The following SPTBN5 variants were observed in gnomAD, a reference collection of about 807,000 sequenced individuals.
SPTBN5 encodes spectrin beta chain, non-erythrocytic 5.
SPTBN5 carries 513 observed loss-of-function variants against 477.6 expected under a neutral mutation model. That is an observed-to-expected ratio of 1.07 (90% CI 1.00 to 1.16). The LOEUF is 1.16. Ranked by LOEUF, SPTBN5 falls within the 50% of genes most tolerant of loss-of-function variation. The pLI, the probability that SPTBN5 is intolerant of heterozygous loss-of-function variation, is 0.00. For missense variants in SPTBN5, 5,062 were observed against 4,731.8 expected (o/e 1.07, Z -2.05); for synonymous variants, 2,169 against 2,011.7 (o/e 1.08, Z -2.09).
intron 56 of SPTBN5, 21 bp downstream of exon 56, chr15:41,854,761 G>T (rs978027262): frequency 7.5e-5 from 111 of 1,483,538 alleles, no homozygotes; most frequent in Non-Finnish European, 9.8e-5. Context: ...CCTTAGCTTG[G>T]CCCGGCCTGT....
intron 47 of SPTBN5, among the ~76,000 whole-genome samples, chr15:41,859,958 C>G (rs1325000254): frequency 6.6e-6 from 1 of 152,200 alleles, no homozygotes; most frequent in East Asian, 1.9e-4. Context: ...TTGACCGTAT[C>G]TGCCTTGATC....
In SPTBN5 at chr15:41,866,019, C is replaced by T. The variant is rs1434080411; in HGVS notation, c.6822+19G>A. ...GCTCCTCCCCCCATCTCTCAGCCCC[C>T]ACCCAGCTGGGGCTACACCTTCTCC... On this transcript the variant is annotated intron_variant, in intron 38 of 67. Coordinates refer to ENST00000320955, the MANE Select transcript of SPTBN5 (RefSeq NM_016642.4). 6.5e-7 allele frequency: 1 copy of T among 1,550,250 alleles called. No individual in the cohort carries two copies. Among genetic ancestry groups the T allele is most frequent in the East Asian group, 2.4e-5 (1 of 40,962 alleles).
At position 41,868,232 on chromosome 15, in the gene SPTBN5, CAT is replaced by C. The variant is rs775422069; in HGVS notation, c.6058-16_6058-15del. 43 of 1,579,940 alleles carry C rather than the reference CAT, an allele frequency of 2.7e-5. No homozygotes were observed. In the Admixed American group the frequency reaches 6.2e-4, roughly 23 times the overall value. ...CTCTTCCTGGACCTGGGGATGGACA[CAT>C]GAGGAGCCTCAGCTGGGGAGGGTGG... On this transcript the variant is annotated splice_polypyrimidine_tract_variant and intron_variant, in intron 33 of 67. Transcript: ENST00000320955.
Position 41,876,795 on chromosome 15 carries a change from G to A in SPTBN5, c.3851+14C>T. On this transcript the variant is annotated intron_variant, in intron 19 of 67. Transcript: ENST00000320955. ...GGGTCATCTGCAGGTGCTGCAGACT[G>A]AGGCCAGGCTCACGTGTGTGCAGCT... 1.2e-6 allele frequency: 2 copies of A among 1,609,714 alleles called. No homozygotes were observed. The highest frequency in any genetic ancestry group is 1.7e-6 in the Non-Finnish European group (2 of 1,179,724).
At chr15:41,880,002 A>T in intron 14 of SPTBN5, 138 bp from the exon 15 acceptor site, 1 of 1,428,308 alleles carries the variant, frequency 7.0e-7, no homozygotes, top group South Asian at 1.4e-5. Context: ...CAGCCATCCG[A>T]GTCCTTAAGG....
rs145151438 is a variant in SPTBN5, at chr15:41,860,155, G to A, written c.7988+431C>T. 3.2e-3 allele frequency among the ~76,000 whole-genome samples: 495 copies of A among 152,314 alleles called. 2 individuals carry two copies. Among genetic ancestry groups the A allele is most frequent in the Non-Finnish European group, 4.8e-3 (329 of 68,034 alleles). Reference sequence around the variant, plus strand: ...GCACAGTGCTTTCGTCCTCATCACAGCCGTTAAAGCCCAGGATGTGAGGCT... The same window carrying A: ...GCACAGTGCTTTCGTCCTCATCACAACCGTTAAAGCCCAGGATGTGAGGCT... On this transcript the variant is annotated intron_variant, in intron 47 of 67. Coordinates refer to ENST00000320955, the MANE Select transcript of SPTBN5 (RefSeq NM_016642.4).
At chr15:41,851,589 G>GT (rs2065766228) in intron 63 of SPTBN5, among the ~76,000 whole-genome samples, 190 bp downstream of exon 63, 2 of 149,358 alleles carry the variant, frequency 1.3e-5, no homozygotes, top group Middle Eastern at 6.8e-3. Context: ...CCTGGTGGGG[G>GT]TGGGTAGGTG....
rs756565560 is a variant in SPTBN5 at position 41,866,960 on chromosome 15, T to C, written c.6479A>G (p.Gln2160Arg). 2.5e-6 allele frequency: 4 copies of C among 1,574,118 alleles called. No individual in the cohort carries two copies. Among genetic ancestry groups the C allele is most frequent in the Non-Finnish European group, 3.4e-6 (4 of 1,160,368 alleles). Residue 2160 changes from glutamine to arginine, a missense_variant and splice_region_variant, in exon 36 of 68, where the codon CAG becomes CGG. Physicochemically the swap from Gln to Arg is conservative, Grantham distance 43 (BLOSUM62 1). Transcript: ENST00000320955. ...CCTGGGCTGGGGGTGCCCTCTGACCTGGGTTGCGGCCTGGGTGAAGCTGGC... is the reference window on the plus strand; with the variant it reads ...CCTGGGCTGGGGGTGCCCTCTGACCCGGGTTGCGGCCTGGGTGAAGCTGGC... ...LMASFTQAAT[Q>R]AEDWIQAWAQ... is the part of the protein sequence containing the mutation.
intron 56 of SPTBN5, 56 bp from the exon 57 acceptor site, chr15:41,854,261 C>A (rs1015397601): frequency 9.1e-6 from 14 of 1,542,368 alleles, no homozygotes; most frequent in African/African-American, 1.4e-5. Context: ...GGATTCCTTT[C>A]TCCCTGGAGA....
At chr15:41,889,544 G>A (rs953824001) in intron 4 of SPTBN5, among the ~76,000 whole-genome samples, 1 of 151,784 alleles carries the variant, frequency 6.6e-6, no homozygotes, top group Admixed American at 6.6e-5. Flanking sequence ...GAGCCCTCCC[G>A]AGAGCTGGGA....
intron 38 of SPTBN5, 43 bp downstream of exon 38, chr15:41,865,995 C>A: frequency 6.5e-7 from 1 of 1,546,034 alleles, no homozygotes; most frequent in Non-Finnish European, 8.7e-7. Context: ...CAAGGGAGGG[C>A]TCCTCCCCCC....
chr15:41,858,640 G>C lies in SPTBN5; in HGVS notation c.8188C>G (p.Leu2730Val), dbSNP rs746464882. Residue 2730 changes from leucine (L) to valine (V), a missense_variant, in exon 49 of 68, where the codon CTG becomes GTG. Coordinates refer to ENST00000320955, the MANE Select transcript of SPTBN5 (RefSeq NM_016642.4). ...LQKQQNFQAE[L>V]DASMHQQQEL... The stretch of plus-strand genomic sequence containing the variant: ...TGCTGTTGGTGCATGCTCGCGTCCA[G>C]CTCCGCCTGGAAATTCTGCTGCTTC... 12 of 1,611,544 alleles carry C rather than the reference G, an allele frequency of 7.4e-6. No individual in the cohort carries two copies. The South Asian group carries it at 1.1e-4, about 15-fold the overall frequency.
In SPTBN5 at chr15:41,852,870, G is replaced by A; in HGVS notation, c.10301C>T (p.Ala3434Val). 6.2e-7 allele frequency: 1 copy of A among 1,608,404 alleles called. No individual in the cohort carries two copies. The highest frequency in any genetic ancestry group is 1.1e-5 in the South Asian group (1 of 90,862). The change falls in exon 60 of 68, where the codon GCC becomes GTC. Residue 3434 changes from alanine (A) to valine (V), a missense_variant. Coordinates refer to ENST00000320955, the MANE Select transcript of SPTBN5 (RefSeq NM_016642.4). ...KLRQRLEQAE[A>V]WLACWEGLLL... ...GAGTCCCTCCCAGCAGGCCAGCCAG[G>A]CCTCAGCCTGCTCCAGCCTCTGCCG...
Position 41,854,102 on chromosome 15 carries a change from C to T in SPTBN5, c.9722G>A (p.Gly3241Asp), listed in dbSNP as rs548079496. ...KTALMKGEDG[G>D]HSLSSVRTLQ... ...GGTCCGCACAGATGACAGGCTGTGG[C>T]CTCCGTCCTCCCCCTTCATCAGGGC... is the stretch of plus-strand genomic sequence containing the variant. The change falls in exon 57 of 68, where the codon GGC becomes GAC. Residue 3241 changes from glycine (G) to aspartate (D), a missense_variant. By Grantham distance (94) the Gly-to-Asp change is moderately conservative (BLOSUM62 -1). Coordinates refer to ENST00000320955, the MANE Select transcript of SPTBN5 (RefSeq NM_016642.4). 6.2e-5 allele frequency: 98 copies of T among 1,583,620 alleles called. 2 individuals are homozygous for T. Among genetic ancestry groups the T allele is most frequent in the Non-Finnish European group, 3.9e-5 (45 of 1,166,160 alleles).
chr15:41,852,919 C>G lies in SPTBN5; in HGVS notation c.10252G>C (p.Glu3418Gln). ...AWALRWQRCA[E>Q]SWGLQKLRQR... ...CGAAGCTTCTGCAGGCCCCAGCTCTCGGCACAGCGTTGCCAGCGCAGGGCC... is the reference window on the plus strand; with the variant it reads ...CGAAGCTTCTGCAGGCCCCAGCTCTGGGCACAGCGTTGCCAGCGCAGGGCC... Residue 3418 changes from glutamate (E) to glutamine (Q), a missense_variant, in exon 60 of 68, where the codon GAG becomes CAG. By Grantham distance (29) the Glu-to-Gln change is conservative. Coordinates refer to ENST00000320955, the MANE Select transcript of SPTBN5 (RefSeq NM_016642.4). 1 of 1,599,490 alleles carries G rather than the reference C, an allele frequency of 6.3e-7. No homozygotes were observed. Among genetic ancestry groups the G allele is most frequent in the Non-Finnish European group, 8.5e-7 (1 of 1,173,416 alleles).
At chr15:41,880,706 G>C (rs904781251) in intron 13 of SPTBN5, among the ~76,000 whole-genome samples, 7 of 152,094 alleles carry the variant, frequency 4.6e-5, no homozygotes, top group African/African-American at 1.7e-4. Flanking sequence ...CTGGGCCTTC[G>C]CTTCCTCCGC....
intron 57 of SPTBN5, 96 bp downstream of exon 57, chr15:41,853,954 T>A (rs926223229): frequency 3.4e-6 from 5 of 1,464,868 alleles, no homozygotes; most frequent in Middle Eastern, 2.4e-4. Context: ...GAGAAGAGGC[T>A]GAAGCAGGCT....
chr15:41,852,399 C>T, intron 61 of SPTBN5, 83 bp from the exon 62 acceptor site: 2 of 1,480,116 alleles, frequency 1.4e-6, no homozygotes, highest in Non-Finnish European at 1.8e-6. Context: ...CTCCCCTCCC[C>T]CAGCCCTCCC....
chr15:41,849,470 TGGAGAGG>T (rs1567176959), intron 67 of SPTBN5, among the ~76,000 whole-genome samples: 2 of 151,962 alleles, frequency 1.3e-5, no homozygotes, highest in Non-Finnish European at 2.9e-5. Context: ...TGCTGTGCCT[TGGAGAGG>T]GGAGAGGAGG....
Sources: allele counts gnomAD v4.1 joint callset (sites outside exome capture counted in the v4.1 genomes callset), GRCh38; gene constraint gnomAD v4.1.1; transcripts MANE v1.5; gene names NCBI Gene and HGNC (gene_info 2026-07-23, HGNC 2026-07-21).